EXTL3: variants seen among roughly 807,000 people sequenced by gnomAD.
EXTL3 encodes exostosin-like 3.
EXTL3 carries 27 observed loss-of-function variants against 69.3 expected under a neutral mutation model. The observed-to-expected ratio is 0.39, with a 90% CI of 0.29 to 0.54. EXTL3 has a LOEUF of 0.54. Ranked by LOEUF, EXTL3 falls within the 20% of genes least tolerant of loss-of-function variation. EXTL3 has a pLI of 0.69. For missense variants in EXTL3, 1,003 were observed against 1,231.8 expected (o/e 0.81, Z 2.78); for synonymous variants, 511 against 499.4 (o/e 1.02, Z -0.31).
upstream of EXTL3, among the ~76,000 whole-genome samples, chr8:28,622,313 C>T (rs939794308): frequency 6.6e-6 from 1 of 152,260 alleles, no homozygotes; most frequent in Non-Finnish European, 1.5e-5. Context: ...GACCGGCGCC[C>T]TCTGCGCTAG....
chr8:28,637,643 ACAAT>A (rs1806677833), intron 1 of EXTL3, among the ~76,000 whole-genome samples: 3 of 142,140 alleles, frequency 2.1e-5, no homozygotes, highest in Non-Finnish European at 3.2e-5. Flanking sequence ...GAAAAAAAAA[ACAAT>A]CAATCTGTGG....
intron 1 of EXTL3, among the ~76,000 whole-genome samples, chr8:28,626,074 A>T (rs933613981): frequency 1.2e-4 from 17 of 140,538 alleles, no homozygotes; most frequent in Middle Eastern, 3.7e-3. Context: ...TGGGAGGCTG[A>T]GGTGTGAGGA....
chr8:28,705,140 G>A (rs1563210269), intron 1 of EXTL3, among the ~76,000 whole-genome samples: 1 of 152,204 alleles, frequency 6.6e-6, no homozygotes, highest in East Asian at 1.9e-4. Context: ...GCTGCCTTGA[G>A]TAGGTAGGGT....
intron 1 of EXTL3, among the ~76,000 whole-genome samples, chr8:28,640,672 A>G (rs895496351): frequency 6.6e-6 from 1 of 152,132 alleles, no homozygotes; most frequent in African/African-American, 2.4e-5. Flanking sequence ...GTGCGATCAT[A>G]GCTCACTGCA....
At chr8:28,697,838 A>AAG (rs1944510133), upstream of EXTL3, 1 of 147,754 alleles carries the variant, frequency 6.8e-6, no homozygotes. Flanking sequence ...AAAAAAAAGA[A>AAG]AAAAAAAAAA....
intron 1 of EXTL3, among the ~76,000 whole-genome samples, chr8:28,691,607 G>A (rs1027297394): frequency 3.3e-5 from 4 of 119,926 alleles, no homozygotes; most frequent in Admixed American, 2.4e-4. Flanking sequence ...CTACTAATAT[G>A]TAGATGTTGG....
In EXTL3 at chr8:28,684,877, T is replaced by C. The variant is rs115059736; in HGVS notation, c.-52-28580T>C. Among the ~76,000 whole-genome samples the C allele has an allele frequency of 9.6e-3, 891 of 92,412 alleles. 11 individuals are homozygous for C. Among genetic ancestry groups the C allele is most frequent in the African/African-American group, 0.034 (833 of 24,330 alleles). 60.6% of individuals were successfully genotyped at this position (92,412 alleles called of 152,430 possible). A position where few individuals can be genotyped will look rare whatever the true frequency, so the allele number is the denominator to read the frequency against. On this transcript the variant is annotated intron_variant, in intron 1 of 6. Transcript: ENST00000523149. The stretch of plus-strand genomic sequence containing the variant: ...TATTTTTTCTCTCTCTAGACACACA[T>C]ACGAACACAGACTATTTATCTGAAA...
chr8:28,747,728 C>CTTTTTTTTTTTTT (rs71549697), intron 6 of EXTL3, among the ~76,000 whole-genome samples: 1 of 124,738 alleles, frequency 8.0e-6, no homozygotes, highest in African/African-American at 3.1e-5. Context: ...TTTTCTTTTT[C>CTTTTTTTTTTTTT]TTTTTTTTTT....
chr8:28,608,764 T>C (rs1806235995), intron 2 of EXTL3, among the ~76,000 whole-genome samples: 1 of 151,876 alleles, frequency 6.6e-6, no homozygotes, highest in Non-Finnish European at 1.5e-5. Flanking sequence ...CTTGGGAGCC[T>C]GAGGTAGGAG....
At chr8:28,713,394 G>T in intron 1 of EXTL3, 63 bp from the exon 2 acceptor site, 1 of 647,724 alleles carries the variant, frequency 1.5e-6, no homozygotes, top group South Asian at 1.7e-5. Flanking sequence ...TTTCAGTATT[G>T]AGTATTTTTC....
intron 2 of EXTL3, among the ~76,000 whole-genome samples, chr8:28,614,493 C>T (rs576913052): frequency 5.3e-5 from 8 of 152,124 alleles, no homozygotes; most frequent in Admixed American, 5.2e-4. Context: ...AGGCTGATCT[C>T]GAACTCTTGG....
intron 1 of EXTL3, among the ~76,000 whole-genome samples, chr8:28,668,932 C>T (rs1807242402): frequency 3.1e-5 from 4 of 129,280 alleles, no homozygotes. Flanking sequence ...GGCATGATCT[C>T]AGCTCACTGC....
upstream of EXTL3, among the ~76,000 whole-genome samples, chr8:28,620,645 G>A (rs1173385631): frequency 6.6e-6 from 1 of 152,216 alleles, no homozygotes; most frequent in East Asian, 1.9e-4. Context: ...CCAGAAAGGT[G>A]TTAAACAGAA....
chr8:28,622,306 C>T (rs1256070710), upstream of EXTL3, among the ~76,000 whole-genome samples: 1 of 152,272 alleles, frequency 6.6e-6, no homozygotes, highest in Non-Finnish European at 1.5e-5. Context: ...CCCCAGCGAC[C>T]GGCGCCCTCT....
chr8:28,700,494 A>C (rs969560603), upstream of EXTL3: 3 of 152,106 alleles, frequency 2.0e-5, no homozygotes, highest in Non-Finnish European at 2.9e-5. Context: ...GGGCGAGTGG[A>C]TAAGGTCGGC....
chr8:28,617,991 G>A (rs1436450193), upstream of EXTL3, among the ~76,000 whole-genome samples: 4 of 152,208 alleles, frequency 2.6e-5, no homozygotes, highest in East Asian at 7.7e-4. Context: ...TCTAAGGGGA[G>A]AGGGGAGTGG....
intron 2 of EXTL3, among the ~76,000 whole-genome samples, chr8:28,614,783 T>C (rs911984964): frequency 6.6e-6 from 1 of 152,254 alleles, no homozygotes; most frequent in Non-Finnish European, 1.5e-5. Context: ...TTGAGACTTC[T>C]TCCATGTATT....
At chr8:28,729,599 A>C (rs1303293179) in intron 3 of EXTL3, among the ~76,000 whole-genome samples, 20 of 136,480 alleles carry the variant, frequency 1.5e-4, no homozygotes, top group African/African-American at 6.4e-4. Flanking sequence ...CCATCTCAAA[A>C]AAAAAAAAAA....
At chr8:28,734,238 T>G (rs1220899989) in intron 4 of EXTL3, among the ~76,000 whole-genome samples, 2 of 152,230 alleles carry the variant, frequency 1.3e-5, no homozygotes, top group Non-Finnish European at 2.9e-5. Flanking sequence ...CTTGCTTTCT[T>G]GATGGTATTA....
Sources: allele counts gnomAD v4.1 joint callset (sites outside exome capture counted in the v4.1 genomes callset), GRCh38; gene constraint gnomAD v4.1.1; transcripts MANE v1.5; gene names NCBI Gene and HGNC (gene_info 2026-07-23, HGNC 2026-07-21).